Variants in RPS6KA2 observed in about 807,000 individuals in gnomAD.
RPS6KA2 encodes the protein ribosomal protein S6 kinase A2.
RPS6KA2 carries 42 observed loss-of-function variants against 91.8 expected under a neutral mutation model. The observed-to-expected ratio is 0.46, with a 90% CI of 0.36 to 0.59. The LOEUF (loss-of-function observed/expected upper bound fraction) is 0.59. Ranked by LOEUF, RPS6KA2 falls within the 20% of genes least tolerant of loss-of-function variation. RPS6KA2 has a pLI of 0.00. For missense variants in RPS6KA2, 798 were observed against 978.5 expected (o/e 0.82, Z 2.46); for synonymous variants, 414 against 393.6 (o/e 1.05, Z -0.61).
intron 2 of RPS6KA2, among the ~76,000 whole-genome samples, chr6:166,669,726 A>G (rs148680482): frequency 1.4e-4 from 21 of 152,238 alleles, no homozygotes; most frequent in Non-Finnish European, 2.6e-4. Context: ...CTCTTGGTTT[A>G]TCAGCTCATG....
intron 2 of RPS6KA2, among the ~76,000 whole-genome samples, chr6:166,699,736 G>A (rs1482239089): frequency 6.6e-6 from 1 of 152,304 alleles, no homozygotes; most frequent in Non-Finnish European, 1.5e-5. Flanking sequence ...ACAGTCATTC[G>A]AATTATATCC....
Position 166,688,530 on chromosome 6 carries a change from C to T in RPS6KA2, c.124-149746G>A, listed in dbSNP as rs112336587. 1.1e-4 allele frequency among the ~76,000 whole-genome samples: 16 copies of T among 152,268 alleles called. 1 individual carries two copies. Among genetic ancestry groups the T allele is most frequent in the African/African-American group, 3.4e-4 (14 of 41,556 alleles). On this transcript the variant is annotated intron_variant, in intron 2 of 21. Coordinates refer to the RPS6KA2 transcript ENST00000503859. ...TGTGCCCCCTAGCAATGAGCAGAAC[C>T]GTGGGGTAAAACAAAATCACTGGGT...
intron 2 of RPS6KA2, among the ~76,000 whole-genome samples, chr6:166,643,000 G>A (rs1787492892): frequency 6.6e-6 from 1 of 152,202 alleles, no homozygotes; most frequent in Non-Finnish European, 1.5e-5. Context: ...CCTCAACTGA[G>A]ATGCAGTTTT....
chr6:166,632,246 G>A (rs533580141), upstream of RPS6KA2, among the ~76,000 whole-genome samples: 11 of 152,314 alleles, frequency 7.2e-5, no homozygotes, highest in East Asian at 1.5e-3. Context: ...TGATGGGTGT[G>A]TTCATTAGCT....
At chr6:166,740,600 A>T (rs1790785984) in intron 2 of RPS6KA2, among the ~76,000 whole-genome samples, 1 of 152,230 alleles carries the variant, frequency 6.6e-6, no homozygotes, top group South Asian at 2.1e-4. Flanking sequence ...ATTGAAAGTT[A>T]AAAACTTTCT....
chr6:166,675,124 G>C (rs1788581550), intron 2 of RPS6KA2, among the ~76,000 whole-genome samples: 1 of 152,214 alleles, frequency 6.6e-6, no homozygotes, highest in Admixed American at 6.5e-5. Context: ...AGGGCTTTCT[G>C]CATAGGGATC....
intron 2 of RPS6KA2, among the ~76,000 whole-genome samples, chr6:166,739,435 C>T (rs1457980880): frequency 3.3e-5 from 5 of 152,196 alleles, no homozygotes; most frequent in Non-Finnish European, 2.9e-5. Flanking sequence ...ACCCTTAAGC[C>T]TCCCACTAAG....
In RPS6KA2 at chr6:166,437,732, A is replaced by G. The variant is rs145997713; in HGVS notation, c.1333-5242T>C. On this transcript the variant is annotated intron_variant, in intron 14 of 20. Transcript: ENST00000265678. The surrounding 1 kb of genome is among the most constrained non-coding windows in gnomAD (Gnocchi z 4.3). ...CACCATGATCTTCCTGAGCACGGAC[A>G]CATGCAGCCATGTGCCAAACAAACA... is the stretch of plus-strand genomic sequence containing the variant. 3.9e-4 allele frequency among the ~76,000 whole-genome samples: 60 copies of G among 152,344 alleles called. No homozygotes were observed. In the East Asian group the frequency reaches 9.1e-3, roughly 23 times the overall value.
At chr6:166,802,729 C>G (rs845660) in intron 2 of RPS6KA2, among the ~76,000 whole-genome samples, 1 of 152,186 alleles carries the variant, frequency 6.6e-6, no homozygotes, top group African/African-American at 2.4e-5. Flanking sequence ...CAGCCAATTC[C>G]TCGGACGAAA....
chr6:166,532,203 T>A (rs1000967004), intron 2 of RPS6KA2, among the ~76,000 whole-genome samples: 2 of 152,154 alleles, frequency 1.3e-5, no homozygotes, highest in African/African-American at 4.8e-5. Flanking sequence ...CCACTATAGA[T>A]GTTCTAGTTC....
At chr6:166,832,827 A>G (rs1780220924) in intron 2 of RPS6KA2, among the ~76,000 whole-genome samples, 1 of 152,218 alleles carries the variant, frequency 6.6e-6, no homozygotes, top group South Asian at 2.1e-4. Context: ...AGCACTCATA[A>G]TTAAAGAAAC....
chr6:166,835,940 C>T (rs979267993), intron 2 of RPS6KA2, among the ~76,000 whole-genome samples: 3 of 152,066 alleles, frequency 2.0e-5, no homozygotes, highest in Non-Finnish European at 4.4e-5. Context: ...AAATAGATTT[C>T]GAGTTTTCTC....
At chr6:166,599,404 A>G (rs967015976) in intron 1 of RPS6KA2, among the ~76,000 whole-genome samples, 3 of 152,194 alleles carry the variant, frequency 2.0e-5, no homozygotes, top group Non-Finnish European at 2.9e-5. Context: ...CATTATATAC[A>G]CCGAATAAAA....
chr6:166,842,715 T>C (rs1483150624), intron 2 of RPS6KA2, among the ~76,000 whole-genome samples: 1 of 152,142 alleles, frequency 6.6e-6, no homozygotes, highest in African/African-American at 2.4e-5. Flanking sequence ...CTTAGCCCAA[T>C]ACCCAGAGTT....
chr6:166,417,545 C>G (rs1292795501), intron 19 of RPS6KA2, among the ~76,000 whole-genome samples: 1 of 152,044 alleles, frequency 6.6e-6, no homozygotes, highest in African/African-American at 2.4e-5. Flanking sequence ...AGCCTGCCGG[C>G]TGCCCTGCAG....
intron 2 of RPS6KA2, among the ~76,000 whole-genome samples, chr6:166,824,493 C>CCGA: frequency 6.6e-6 from 1 of 152,300 alleles, no homozygotes; most frequent in East Asian, 1.9e-4. Context: ...AATATTTAAT[C>CCGA]CGACCCTAAG....
chr6:166,814,252 A>G (rs78737881), intron 2 of RPS6KA2, among the ~76,000 whole-genome samples: 6,302 of 152,328 alleles, frequency 0.041, 544 homozygotes, highest in East Asian at 0.39. Context: ...ACCAGTAAAT[A>G]ACAAAGACAA....
intron 3 of RPS6KA2, among the ~76,000 whole-genome samples, chr6:166,513,162 G>A (rs1423387517): frequency 6.6e-6 from 1 of 152,130 alleles, no homozygotes; most frequent in Non-Finnish European, 1.5e-5. Flanking sequence ...GCTATCCTGG[G>A]CCCCATGTAG....
intron 1 of RPS6KA2, among the ~76,000 whole-genome samples, chr6:166,579,994 G>A (rs1308932675): frequency 1.3e-5 from 2 of 152,214 alleles, no homozygotes; most frequent in Non-Finnish European, 2.9e-5. Context: ...TAGAATCACG[G>A]CACTTCATCA....
Sources: gnomAD v4.1 joint callset for allele counts (sites outside exome capture counted in the v4.1 genomes callset) on GRCh38, gnomAD v4.1.1 for gene constraint, Gnocchi (gnomAD v3.1) non-coding constraint, MANE v1.5 for transcripts, NCBI Gene and HGNC (gene_info 2026-07-23, HGNC 2026-07-21) for gene names.